The following INPP4B variants were observed in gnomAD, a reference collection of about 807,000 sequenced individuals.
INPP4B encodes inositol polyphosphate 4-phosphatase type II.
A neutral mutation model predicts 122.5 loss-of-function variants in INPP4B; 55 were observed. The ratio of observed to expected loss-of-function variants is 0.45; its 90% CI spans 0.36 to 0.56. INPP4B has a LOEUF of 0.56. Ranked by LOEUF, INPP4B falls within the 20% of genes least tolerant of loss-of-function variation. The pLI, the probability that INPP4B is intolerant of heterozygous loss-of-function variation, is 0.00. For synonymous variants in INPP4B, 403 were observed against 388.7 expected, an observed-to-expected ratio of 1.04 and a Z score of -0.43; for missense variants, 1,000 against 1,097.7, an observed-to-expected ratio of 0.91 and a Z score of 1.26.
chr4:142,054,878 CTG>C (rs5862570), intron 25 of INPP4B, among the ~76,000 whole-genome samples: 123,491 of 151,764 alleles, frequency 0.81, 52,386 homozygotes, highest in Non-Finnish European at 0.92. Flanking sequence ...GTCTCTATAT[CTG>C]TGTTAACTTA....
intron 2 of INPP4B, among the ~76,000 whole-genome samples, chr4:142,652,934 G>T (rs1419601166): frequency 6.6e-6 from 1 of 152,102 alleles, no homozygotes; most frequent in African/African-American, 2.4e-5. Context: ...TAAGCAAAAG[G>T]TACAAAGCTG....
chr4:142,185,418 A>C (rs1426876764), intron 15 of INPP4B, among the ~76,000 whole-genome samples: 10 of 149,912 alleles, frequency 6.7e-5, no homozygotes, highest in Middle Eastern at 6.5e-3. Flanking sequence ...ATATATATAT[A>C]TCTCATCAGC....
chr4:142,669,650 A>C (rs979489402), intron 2 of INPP4B, among the ~76,000 whole-genome samples: 7 of 152,198 alleles, frequency 4.6e-5, no homozygotes, highest in Non-Finnish European at 2.9e-5. Flanking sequence ...TCATAAACAA[A>C]AATCAACTCA....
chr4:142,086,219 T>C lies in INPP4B; in HGVS notation c.2412A>G (p.Ala804=). Residue 804 remains alanine (A), a synonymous_variant, in exon 24 of 26, where the codon GCA becomes GCG. Coordinates refer to ENST00000262992, the MANE Select transcript of INPP4B (RefSeq NM_001101669.3). ...SHFQEQNDLK[A]LLENLLQNIQ... The stretch of plus-strand genomic sequence containing the variant: ...TATTTTGAAGGAGATTTTCTAGCAA[T>C]GCTTTTAAATCATTTTGTTCCTGAA... The C allele has an allele frequency of 1.9e-6, 3 of 1,588,854 alleles. No individual in the cohort carries two copies. The highest frequency in any genetic ancestry group is 1.7e-6 in the Non-Finnish European group (2 of 1,157,226).
chr4:142,271,972 T>A (rs776979978), intron 9 of INPP4B, among the ~76,000 whole-genome samples: 1 of 152,174 alleles, frequency 6.6e-6, no homozygotes, highest in Admixed American at 6.5e-5. Flanking sequence ...GCACATATAA[T>A]ATTTTTCACT....
chr4:142,530,831 G>A (rs1045647550), intron 2 of INPP4B, among the ~76,000 whole-genome samples: 2 of 151,950 alleles, frequency 1.3e-5, no homozygotes, highest in African/African-American at 2.4e-5. Context: ...ATGTCTGAGC[G>A]AGCAAGAAGG....
chr4:142,737,593 G>A (rs1445195950), intron 1 of INPP4B, among the ~76,000 whole-genome samples: 1 of 152,012 alleles, frequency 6.6e-6, no homozygotes. Flanking sequence ...AATGGCAACA[G>A]AAGCCAAAAT....
At chr4:142,360,397 T>G (rs1001783849) in intron 7 of INPP4B, among the ~76,000 whole-genome samples, 3 of 152,002 alleles carry the variant, frequency 2.0e-5, no homozygotes, top group Admixed American at 2.0e-4. Context: ...GGTTTTGTGC[T>G]GCATAGAAAG....
At chr4:142,713,445 T>C (rs1483770190) in intron 2 of INPP4B, among the ~76,000 whole-genome samples, 2 of 152,160 alleles carry the variant, frequency 1.3e-5, no homozygotes, top group African/African-American at 4.8e-5. Context: ...AGGAGTTCTA[T>C]TGGAATGAGA....
intron 23 of INPP4B, among the ~76,000 whole-genome samples, chr4:142,106,594 T>C (rs1787240068): frequency 6.6e-6 from 1 of 152,230 alleles, no homozygotes; most frequent in Non-Finnish European, 1.5e-5. Context: ...TTTAGCAATA[T>C]GATTGTTTTA....
At chr4:142,483,691 T>C (rs992171516) in intron 2 of INPP4B, among the ~76,000 whole-genome samples, 3 of 152,056 alleles carry the variant, frequency 2.0e-5, no homozygotes, top group African/African-American at 7.2e-5. Context: ...CAGAATAGAT[T>C]TATTGAATTC....
chr4:142,140,893 T>A (rs552526094), intron 18 of INPP4B, among the ~76,000 whole-genome samples: 1 of 152,312 alleles, frequency 6.6e-6, no homozygotes, highest in Admixed American at 6.5e-5. Context: ...TATATTAGAA[T>A]AGTACCTAAA....
intron 1 of INPP4B, among the ~76,000 whole-genome samples, chr4:142,733,867 T>C (rs1006524967): frequency 6.6e-6 from 1 of 152,188 alleles, no homozygotes; most frequent in Non-Finnish European, 1.5e-5. Context: ...GTAAAGCTGA[T>C]TAATAAATTA....
chr4:142,429,562 C>G lies in INPP4B; in HGVS notation c.92-345G>C, dbSNP rs186955386. Among the ~76,000 whole-genome samples, 940 of 152,092 alleles carry G rather than the reference C, an allele frequency of 6.2e-3. 5 individuals carry two copies. Among genetic ancestry groups the G allele is most frequent in the South Asian group, 8.7e-3 (42 of 4,822 alleles). The stretch of plus-strand genomic sequence containing the variant: ...ACAGAAGTGGATCCTTCATAAAGAA[C>G]CCCCTTACCAAAATACTCTCTTAAA... On this transcript the variant is annotated intron_variant, in intron 4 of 25. Coordinates refer to ENST00000262992, the MANE Select transcript of INPP4B (RefSeq NM_001101669.3).
intron 2 of INPP4B, among the ~76,000 whole-genome samples, chr4:142,573,287 T>C (rs980835589): frequency 6.6e-6 from 1 of 152,026 alleles, no homozygotes; most frequent in Non-Finnish European, 1.5e-5. Flanking sequence ...GAGACTTGGG[T>C]GGGGACACAG....
chr4:142,583,302 T>C (rs1281218901), intron 2 of INPP4B: 1 of 152,094 alleles, frequency 6.6e-6, no homozygotes, highest in Non-Finnish European at 1.5e-5. Flanking sequence ...GTTTTGAGAG[T>C]CTAGAAAAGG....
intron 1 of INPP4B, among the ~76,000 whole-genome samples, chr4:142,793,970 G>A (rs1157912760): frequency 6.6e-6 from 1 of 152,046 alleles, no homozygotes; most frequent in Non-Finnish European, 1.5e-5. Context: ...ATGTATAGAT[G>A]TCAGTTCTAC....
chr4:142,725,827 A>G lies in INPP4B; in HGVS notation c.-191+12T>C, dbSNP rs1466186133. The G allele has an allele frequency of 2.5e-6, 1 of 397,838 alleles. No homozygotes were observed. The allele number at this position is 397,838 out of a possible 1,614,324, so 24.6% of individuals were successfully genotyped here. On this transcript the variant is annotated intron_variant, in intron 2 of 25. Transcript: ENST00000262992. ...ACAGAATGAAAAAATATCAATTCAA[A>G]ATAAGCATTACCTTTGTCTAATTTT... is the stretch of plus-strand genomic sequence containing the variant.
chr4:142,235,137 C>CA (rs1423663165), intron 12 of INPP4B, among the ~76,000 whole-genome samples: 8 of 152,026 alleles, frequency 5.3e-5, no homozygotes, highest in Non-Finnish European at 8.8e-5. Flanking sequence ...GTGAAGGACT[C>CA]AAAAGTAGCA....
Sources: gnomAD v4.1 joint callset for allele counts (sites outside exome capture counted in the v4.1 genomes callset) on GRCh38, gnomAD v4.1.1 for gene constraint, MANE v1.5 for transcripts, NCBI Gene and HGNC (gene_info 2026-07-23, HGNC 2026-07-21) for gene names.